The following GRM5 variants were observed in gnomAD, a reference collection of about 807,000 sequenced individuals.
GRM5 encodes the protein glutamate metabotropic receptor 5.
Under a neutral mutation model 83.1 loss-of-function variants are expected in GRM5, and 19 were observed. The ratio of observed to expected loss-of-function variants is 0.23; its 90% CI spans 0.16 to 0.34. The LOEUF is 0.34. Ranked by LOEUF, GRM5 falls within the 10% of genes least tolerant of loss-of-function variation. The pLI, the probability that GRM5 is intolerant of heterozygous loss-of-function variation, is 1.00. For synonymous variants in GRM5, 675 were observed against 633.6 expected (o/e 1.07, Z -0.98); for missense variants, 1,160 against 1,588.3 (o/e 0.73, Z 4.58).
intron 2 of GRM5, among the ~76,000 whole-genome samples, chr11:88,937,796 T>G (rs1400090158): frequency 6.6e-6 from 1 of 151,694 alleles, no homozygotes; most frequent in Non-Finnish European, 1.5e-5. Context: ...GTTTGTTATA[T>G]TCACATACTA....
At chr11:89,021,891 G>A (rs1475213845) in intron 2 of GRM5, among the ~76,000 whole-genome samples, 1 of 152,018 alleles carries the variant, frequency 6.6e-6, no homozygotes, top group African/African-American at 2.4e-5. Context: ...CTGACATTTG[G>A]GATACAACTG....
At chr11:88,799,689 C>T (rs1943352111) in intron 3 of GRM5, among the ~76,000 whole-genome samples, 1 of 152,230 alleles carries the variant, frequency 6.6e-6, no homozygotes, top group Non-Finnish European at 1.5e-5. Context: ...ATATGGCCCC[C>T]AGTCTCGAGT....
intron 3 of GRM5, among the ~76,000 whole-genome samples, chr11:88,753,836 T>G (rs1365960425): frequency 6.6e-6 from 1 of 151,890 alleles, no homozygotes; most frequent in Non-Finnish European, 1.5e-5. Context: ...GCCTCACAAT[T>G]ATGGCAGAAG....
intron 9 of GRM5, among the ~76,000 whole-genome samples, chr11:88,515,143 C>T (rs1028733425): frequency 3.3e-5 from 5 of 152,052 alleles, no homozygotes; most frequent in South Asian, 2.1e-4. Flanking sequence ...CTAGTACAGT[C>T]GCTACTTCCC....
intron 2 of GRM5, among the ~76,000 whole-genome samples, chr11:88,996,159 C>G (rs528936735): frequency 1.3e-5 from 2 of 152,166 alleles, no homozygotes; most frequent in African/African-American, 4.8e-5. Context: ...GCATGATAAA[C>G]CCTGTGGGAT....
At chr11:88,707,585 T>A (rs1484407115) in intron 3 of GRM5, among the ~76,000 whole-genome samples, 1 of 152,114 alleles carries the variant, frequency 6.6e-6, no homozygotes, top group East Asian at 1.9e-4. Flanking sequence ...CAGGAGGATG[T>A]GTGTAGGTTA....
chr11:88,965,570 T>G (rs938483771), intron 2 of GRM5, among the ~76,000 whole-genome samples: 1 of 152,116 alleles, frequency 6.6e-6, no homozygotes, highest in Non-Finnish European at 1.5e-5. Flanking sequence ...GGAAAGAGAT[T>G]TGACAAACAC....
intron 2 of GRM5, among the ~76,000 whole-genome samples, chr11:88,874,954 T>G (rs1590930270): frequency 6.6e-6 from 1 of 152,096 alleles, no homozygotes; most frequent in Admixed American, 6.6e-5. Flanking sequence ...AGGCATAATG[T>G]TTTTGCTGAT....
intron 8 of GRM5, among the ~76,000 whole-genome samples, chr11:88,547,886 G>A (rs1182429707): frequency 1.3e-5 from 2 of 152,142 alleles, no homozygotes; most frequent in Non-Finnish European, 2.9e-5. Flanking sequence ...ACAGTACTTT[G>A]AAGGAACTTG....
chr11:88,556,554 C>T (rs957169362), intron 8 of GRM5, among the ~76,000 whole-genome samples: 2 of 152,048 alleles, frequency 1.3e-5, no homozygotes, highest in Non-Finnish European at 2.9e-5. Flanking sequence ...AACTCCTGAC[C>T]TCATGATCCG....
chr11:88,953,254 C>A (rs984724658), intron 2 of GRM5, among the ~76,000 whole-genome samples: 3 of 152,066 alleles, frequency 2.0e-5, no homozygotes, highest in Admixed American at 2.0e-4. Context: ...TTTAAAAATT[C>A]ATGCATTCAT....
chr11:88,722,680 G>A (rs1941575517), intron 3 of GRM5, among the ~76,000 whole-genome samples: 2 of 152,028 alleles, frequency 1.3e-5, no homozygotes, highest in South Asian at 4.2e-4. Flanking sequence ...AGCAATTCAT[G>A]GCTATGCTAT....
chr11:88,755,477 C>G (rs1445478816), intron 3 of GRM5, among the ~76,000 whole-genome samples: 1 of 152,104 alleles, frequency 6.6e-6, no homozygotes, highest in African/African-American at 2.4e-5. Context: ...TGAACAGTGT[C>G]CTATCACAAT....
intron 3 of GRM5, among the ~76,000 whole-genome samples, chr11:88,781,368 G>A (rs1370091423): frequency 6.6e-6 from 1 of 152,020 alleles, no homozygotes; most frequent in African/African-American, 2.4e-5. Context: ...AAATGGAGAT[G>A]GACCTCACAA....
chr11:88,753,316 A>G lies in GRM5; in HGVS notation c.911+96590T>C, dbSNP rs556961492. 2.6e-5 allele frequency among the ~76,000 whole-genome samples: 4 copies of G among 152,314 alleles called. 1 individual carries two copies. In the South Asian group the frequency reaches 8.3e-4, roughly 32 times the overall value. On this transcript the variant is annotated intron_variant, in intron 3 of 9. Coordinates refer to ENST00000305447, the MANE Select transcript of GRM5 (RefSeq NM_001143831.3). ...ACATGAACAGACATTTCTCAAAAGA[A>G]TACATACATGTGGCCAATAAACATA...
intron 4 of GRM5, among the ~76,000 whole-genome samples, chr11:88,605,516 C>T (rs1362674848): frequency 6.6e-6 from 1 of 151,982 alleles, no homozygotes; most frequent in Non-Finnish European, 1.5e-5. Context: ...ATTTAAACTC[C>T]TTTAATTCAT....
At chr11:88,743,565 C>T (rs1942071707) in intron 3 of GRM5, among the ~76,000 whole-genome samples, 1 of 152,100 alleles carries the variant, frequency 6.6e-6, no homozygotes, top group Admixed American at 6.6e-5. Flanking sequence ...TCATAGAAGG[C>T]ATTGTATCTT....
At chr11:89,042,554 A>G (rs942016100) in intron 2 of GRM5, among the ~76,000 whole-genome samples, 5 of 152,128 alleles carry the variant, frequency 3.3e-5, no homozygotes, top group Admixed American at 6.5e-5. Context: ...TACCATGATC[A>G]TCCCAAAATT....
intron 2 of GRM5, among the ~76,000 whole-genome samples, chr11:88,911,234 T>C (rs1483298261): frequency 6.6e-6 from 1 of 152,120 alleles, no homozygotes; most frequent in Non-Finnish European, 1.5e-5. Flanking sequence ...GATAACTAGT[T>C]GGAGTCTCTG....
Sources: allele counts gnomAD v4.1 joint callset (sites outside exome capture counted in the v4.1 genomes callset), GRCh38; gene constraint gnomAD v4.1.1; transcripts MANE v1.5; gene names NCBI Gene and HGNC (gene_info 2026-07-23, HGNC 2026-07-21).